Variants in TDRD7 observed in about 807,000 individuals in gnomAD.
The protein encoded by TDRD7 is tudor domain-containing protein 7.
A neutral mutation model predicts 109.8 loss-of-function variants in TDRD7; 47 were observed. That is an observed-to-expected ratio of 0.43 (90% CI 0.34 to 0.55). The LOEUF is 0.55. Ranked by LOEUF, TDRD7 falls within the 20% of genes least tolerant of loss-of-function variation. The pLI is 0.03. For missense variants in TDRD7, 1,164 were observed against 1,319.2 expected (o/e 0.88, Z 1.82); for synonymous variants, 424 against 457.3 (o/e 0.93, Z 0.93).
intron 7 of TDRD7, among the ~76,000 whole-genome samples, chr9:97,462,255 A>G (rs925636922): frequency 2.6e-5 from 4 of 152,214 alleles, no homozygotes; most frequent in African/African-American, 9.6e-5. Flanking sequence ...GGCCAGACCA[A>G]TCACATGGTT....
At chr9:97,445,329 C>G (rs1283448760) in intron 6 of TDRD7, among the ~76,000 whole-genome samples, 1 of 152,204 alleles carries the variant, frequency 6.6e-6, no homozygotes, top group Non-Finnish European at 1.5e-5. Context: ...GTGCTAGCCA[C>G]TGACCTGGGT....
chr9:97,446,963 G>A (rs765406200), intron 6 of TDRD7, among the ~76,000 whole-genome samples: 7 of 152,160 alleles, frequency 4.6e-5, no homozygotes, highest in Non-Finnish European at 8.8e-5. Flanking sequence ...AAGCAGAAGT[G>A]AAGAGGTAAA....
chr9:97,452,747 T>G (rs2118440931), intron 6 of TDRD7, among the ~76,000 whole-genome samples: 1 of 152,316 alleles, frequency 6.6e-6, no homozygotes, highest in East Asian at 1.9e-4. Context: ...CCAGATGATC[T>G]TTAAGTATTA....
chr9:97,451,439 A>G lies in TDRD7; in HGVS notation c.856-8739A>G, dbSNP rs144046881. ...CAAAGTGCTGGGATTATAGATGCAC[A>G]CTATCACATCCAGCTAATTTTTAAA... On this transcript the variant is annotated intron_variant, in intron 6 of 16. Coordinates refer to ENST00000355295, the MANE Select transcript of TDRD7 (RefSeq NM_014290.3). 8.1e-4 allele frequency among the ~76,000 whole-genome samples: 123 copies of G among 152,182 alleles called. 2 individuals carry two copies. The highest frequency in any genetic ancestry group is 6.8e-3 in the Middle Eastern group (2 of 294).
At chr9:97,464,510 C>A (rs1478855027) in intron 7 of TDRD7, among the ~76,000 whole-genome samples, 1 of 151,800 alleles carries the variant, frequency 6.6e-6, no homozygotes, top group Admixed American at 6.6e-5. Context: ...GGCGCCCACC[C>A]CCACACCCAG....
At chr9:97,492,195 T>C (rs1270961403) in intron 16 of TDRD7, among the ~76,000 whole-genome samples, 1 of 152,170 alleles carries the variant, frequency 6.6e-6, no homozygotes, top group Non-Finnish European at 1.5e-5. Context: ...TTTTGTTTCT[T>C]ATTAGGAGGC....
intron 4 of TDRD7, among the ~76,000 whole-genome samples, chr9:97,435,478 A>AG (rs1242187712): frequency 5.3e-5 from 8 of 151,790 alleles, no homozygotes; most frequent in Admixed American, 2.0e-4. Context: ...AAAAAAAAAA[A>AG]AAAAAAAATT....
intron 6 of TDRD7, among the ~76,000 whole-genome samples, chr9:97,445,498 C>CA (rs1282936088): frequency 6.6e-6 from 1 of 152,130 alleles, no homozygotes; most frequent in African/African-American, 2.4e-5. Context: ...GGAGACTCTA[C>CA]ATAGTCTGAT....
intron 6 of TDRD7, among the ~76,000 whole-genome samples, chr9:97,446,130 A>C (rs1174021537): frequency 6.6e-6 from 1 of 152,200 alleles, no homozygotes; most frequent in Non-Finnish European, 1.5e-5. Flanking sequence ...ACCTGTCTTA[A>C]ATTCCAAATC....
intron 6 of TDRD7, among the ~76,000 whole-genome samples, chr9:97,453,232 T>C (rs966023242): frequency 2.2e-4 from 33 of 152,298 alleles, no homozygotes; most frequent in African/African-American, 7.9e-4. Flanking sequence ...AAGGTGGGCT[T>C]TACAGGCTCA....
intron 13 of TDRD7, among the ~76,000 whole-genome samples, chr9:97,478,855 C>T (rs1829067686): frequency 6.6e-6 from 1 of 152,068 alleles, no homozygotes; most frequent in Admixed American, 6.6e-5. Context: ...AATTAGATGC[C>T]AGTACTGACT....
At chr9:97,441,525 C>T in intron 5 of TDRD7, 133 bp from the exon 6 acceptor site, 1 of 754,012 alleles carries the variant, frequency 1.3e-6, no homozygotes, top group Admixed American at 2.3e-5. Flanking sequence ...CTGCCTAATC[C>T]TGCTCCCTTC....
chr9:97,418,747 C>A (rs1366084473), intron 1 of TDRD7, among the ~76,000 whole-genome samples: 31 of 152,162 alleles, frequency 2.0e-4, no homozygotes, highest in Non-Finnish European at 5.9e-5. Flanking sequence ...CCTGTCCTTT[C>A]AAACCTGAAT....
intron 6 of TDRD7, 64 bp downstream of exon 6, chr9:97,441,939 T>G: frequency 1.5e-6 from 2 of 1,325,348 alleles, no homozygotes; most frequent in South Asian, 2.4e-5. Context: ...GATCTTGAGT[T>G]ATTAGTCATA....
At chr9:97,430,464 A>G (rs1029974859) in intron 2 of TDRD7, among the ~76,000 whole-genome samples, 4 of 152,202 alleles carry the variant, frequency 2.6e-5, no homozygotes, top group Non-Finnish European at 5.9e-5. Context: ...AGGATTTAGT[A>G]GTCTTGTATT....
rs1829145818 is a variant in TDRD7 at position 97,483,053 on chromosome 9, A to G, written c.2617A>G (p.Thr873Ala). The change falls in exon 15 of 17, where the codon ACT becomes GCT. Residue 873 changes from threonine (T) to alanine (A), a missense_variant. Thr to Ala is a moderately conservative substitution (Grantham distance 58). This residue lies in a region of TDRD7 where 233 missense variants were observed against 218.0 expected (regional missense o/e 1.07). Transcript: ENST00000355295. ...TGGCAACATGCCCATGTCGGGCAAC[A>G]CTGGAGAGAATTTCAGAAAGAACCT... is the stretch of plus-strand genomic sequence containing the variant. ...KNGNMPMSGN[T>A]GENFRKNLTD... is the part of the protein sequence containing the mutation. The G allele has an allele frequency of 6.2e-7, 1 of 1,614,194 alleles. No homozygotes were observed. Among genetic ancestry groups the G allele is most frequent in the Non-Finnish European group, 8.5e-7 (1 of 1,180,032 alleles).
intron 7 of TDRD7, among the ~76,000 whole-genome samples, chr9:97,461,240 C>G (rs1828719466): frequency 6.6e-6 from 1 of 151,900 alleles, no homozygotes; most frequent in African/African-American, 2.4e-5. Context: ...ATACAGCTAT[C>G]CTAAGACTAC....
intron 1 of TDRD7, among the ~76,000 whole-genome samples, chr9:97,423,223 G>A (rs1827926622): frequency 6.6e-6 from 1 of 151,948 alleles, no homozygotes; most frequent in African/African-American, 2.4e-5. Context: ...GATATTTGAG[G>A]GTTATTTATT....
Position 97,472,285 on chromosome 9 carries a change from T to A in TDRD7, c.1742-8T>A. ...TAAGTAGAAATTAAAAGATTCAATATTTTTCAGGCTTGGAAGTCCTAAGCG... is the reference window on the plus strand; with the variant it reads ...TAAGTAGAAATTAAAAGATTCAATAATTTTCAGGCTTGGAAGTCCTAAGCG... On this transcript the variant is annotated splice_polypyrimidine_tract_variant and splice_region_variant and intron_variant, in intron 9 of 16. Coordinates refer to ENST00000355295, the MANE Select transcript of TDRD7 (RefSeq NM_014290.3). 1 of 1,612,606 alleles carries A rather than the reference T, an allele frequency of 6.2e-7. No individual in the cohort carries two copies. The highest frequency in any genetic ancestry group is 8.5e-7 in the Non-Finnish European group (1 of 1,178,726).
Sources: allele counts gnomAD v4.1 joint callset (sites outside exome capture counted in the v4.1 genomes callset), GRCh38; gene constraint gnomAD v4.1.1; regional missense constraint gnomAD v4.1.1; transcripts MANE v1.5; gene names NCBI Gene and HGNC (gene_info 2026-07-23, HGNC 2026-07-21).